UTRN: variants seen among roughly 807,000 people sequenced by gnomAD.
The protein encoded by UTRN is utrophin, also known as dystrophin-related protein 1.
In UTRN, 283 loss-of-function variants were observed where a neutral mutation model predicts 463.9. The ratio of observed to expected loss-of-function variants is 0.61; its 90% CI spans 0.55 to 0.67. The LOEUF is 0.67. UTRN is among the 30% of genes least tolerant of loss of function. UTRN has a pLI of 0.00. For missense variants in UTRN, 3,922 were observed against 4,084.3 expected, an observed-to-expected ratio of 0.96 and a Z score of 1.08; for synonymous variants, 1,442 against 1,431.5, an observed-to-expected ratio of 1.01 and a Z score of -0.17.
intron 52 of UTRN, among the ~76,000 whole-genome samples, chr6:144,684,049 C>CT (rs751258844): frequency 0.046 from 6,307 of 137,250 alleles, 406 homozygotes; most frequent in African/African-American, 0.13. Flanking sequence ...TGTCCCTTTA[C>CT]TTTTTTTTTT....
chr6:144,640,660 T>C (rs1222383314), intron 51 of UTRN, among the ~76,000 whole-genome samples: 1 of 152,204 alleles, frequency 6.6e-6, no homozygotes, highest in Non-Finnish European at 1.5e-5. Flanking sequence ...AAAATTGCTA[T>C]ATAAATGCTT....
At position 144,418,001 on chromosome 6, in the gene UTRN, T is replaced by C. The variant is rs141725513; in HGVS notation, c.142-3877T>C. 2.2e-3 allele frequency among the ~76,000 whole-genome samples: 339 copies of C among 152,184 alleles called. 1 individual carries two copies. Among genetic ancestry groups the C allele is most frequent in the African/African-American group, 6.8e-3 (283 of 41,500 alleles). ...ATATTGTTGATATTTTATTACACTT[T>C]TCTGCCAATAGAAAACACTAAAGTT... On this transcript the variant is annotated intron_variant, in intron 3 of 74. Coordinates refer to ENST00000367545, the MANE Select transcript of UTRN (RefSeq NM_007124.3).
intron 2 of UTRN, among the ~76,000 whole-genome samples, chr6:144,325,573 T>C (rs1454972647): frequency 1.3e-5 from 2 of 152,184 alleles, no homozygotes; most frequent in Non-Finnish European, 2.9e-5. Flanking sequence ...CAGCCTCCCA[T>C]CGCTGATCAG....
At chr6:144,439,360 C>T (rs4256449) in intron 12 of UTRN, among the ~76,000 whole-genome samples, 1 of 152,252 alleles carries the variant, frequency 6.6e-6, no homozygotes, top group South Asian at 2.1e-4. Flanking sequence ...AAAATATGCT[C>T]TCTGTAAATT....
At chr6:144,789,030 G>A (rs1776533821) in intron 61 of UTRN, among the ~76,000 whole-genome samples, 164 bp from the exon 62 acceptor site, 1 of 152,152 alleles carries the variant, frequency 6.6e-6, no homozygotes, top group African/African-American at 2.4e-5. Context: ...TGAAATTACA[G>A]TATTGGTTTA....
intron 54 of UTRN, among the ~76,000 whole-genome samples, chr6:144,731,217 C>A (rs1788479752): frequency 6.6e-6 from 1 of 151,958 alleles, no homozygotes; most frequent in South Asian, 2.1e-4. Flanking sequence ...TAACCTGTAA[C>A]ATTTATATAC....
At chr6:144,335,113 T>C (rs1776621180) in intron 2 of UTRN, among the ~76,000 whole-genome samples, 1 of 152,218 alleles carries the variant, frequency 6.6e-6, no homozygotes. Flanking sequence ...AACTTTGCCA[T>C]GTTTAATTTA....
intron 53 of UTRN, among the ~76,000 whole-genome samples, chr6:144,716,948 T>A (rs1010536858): frequency 6.6e-6 from 1 of 152,212 alleles, no homozygotes; most frequent in Admixed American, 6.5e-5. Context: ...TCATAAATAA[T>A]GTTATAATGA....
intron 2 of UTRN, among the ~76,000 whole-genome samples, chr6:144,387,722 CTTTATCCAG>C (rs1380004962): frequency 1.3e-5 from 2 of 152,160 alleles, no homozygotes; most frequent in Non-Finnish European, 2.9e-5. Flanking sequence ...AATATGTGGG[CTTTATCCAG>C]TTTAGGAGCT....
intron 17 of UTRN, among the ~76,000 whole-genome samples, 164 bp from the exon 18 acceptor site, chr6:144,451,206 A>C (rs1055695828): frequency 6.6e-6 from 1 of 152,178 alleles, no homozygotes; most frequent in African/African-American, 2.4e-5. Context: ...TTTAGTTGTA[A>C]ATATATGATC....
At chr6:144,610,407 A>G (rs1311678586) in intron 51 of UTRN, among the ~76,000 whole-genome samples, 1 of 152,186 alleles carries the variant, frequency 6.6e-6, no homozygotes, top group Non-Finnish European at 1.5e-5. Flanking sequence ...ATAATAAGTA[A>G]GAAGATTGAA....
chr6:144,669,556 C>G (rs1489343210), intron 51 of UTRN, among the ~76,000 whole-genome samples: 1 of 152,058 alleles, frequency 6.6e-6, no homozygotes, highest in Non-Finnish European at 1.5e-5. Context: ...CATAAGTCTT[C>G]TTAAGTTAGA....
At chr6:144,511,824 A>T (rs746215348) in intron 35 of UTRN, among the ~76,000 whole-genome samples, 7 of 152,126 alleles carry the variant, frequency 4.6e-5, no homozygotes, top group South Asian at 4.1e-4. Context: ...TGTTCCTATG[A>T]TACTAATTGT....
chr6:144,364,429 C>T (rs964282226), intron 2 of UTRN, among the ~76,000 whole-genome samples: 2 of 152,064 alleles, frequency 1.3e-5, no homozygotes, highest in African/African-American at 2.4e-5. Context: ...GGGATGACTC[C>T]TGGTGTAGAT....
intron 65 of UTRN, among the ~76,000 whole-genome samples, chr6:144,819,189 A>G (rs1264448741): frequency 6.6e-6 from 1 of 152,164 alleles, no homozygotes; most frequent in Non-Finnish European, 1.5e-5. Context: ...TTGTCAGTGT[A>G]AAAACTGATG....
In UTRN at chr6:144,836,384, T is replaced by C. The variant is rs1263834336; in HGVS notation, c.9908T>C (p.Ile3303Thr). 1.2e-6 allele frequency: 2 copies of C among 1,613,860 alleles called. No individual in the cohort carries two copies. Among genetic ancestry groups the C allele is most frequent in the African/African-American group, 1.3e-5 (1 of 74,908 alleles). ...LPVGSPPESI[I>T]SPHHTSEDSE... is the part of the protein sequence containing the mutation. ...GTCGGTTCACCGCCAGAGTCGATTA[T>C]ATCTCCCCATCACACGTCTGAGGAT... Residue 3303 changes from isoleucine to threonine, a missense_variant, in exon 71 of 75, where the codon ATA becomes ACA. Transcript: ENST00000367545.
At chr6:144,614,160 T>C (rs1221143466) in intron 51 of UTRN, among the ~76,000 whole-genome samples, 1 of 152,112 alleles carries the variant, frequency 6.6e-6, no homozygotes, top group Non-Finnish European at 1.5e-5. Flanking sequence ...AGAATAGGTA[T>C]AATGCTGGTA....
intron 54 of UTRN, among the ~76,000 whole-genome samples, chr6:144,736,739 G>A (rs1015818348): frequency 6.6e-5 from 10 of 152,192 alleles, no homozygotes; most frequent in Admixed American, 6.5e-4. Context: ...ACAGAAGGCT[G>A]CACAGCAATT....
chr6:144,504,253 T>C (rs1794496754), intron 34 of UTRN, among the ~76,000 whole-genome samples: 1 of 152,236 alleles, frequency 6.6e-6, no homozygotes, highest in Admixed American at 6.5e-5. Context: ...CTGATTGCCC[T>C]GGCCAGAACT....
Sources: allele counts gnomAD v4.1 joint callset (sites outside exome capture counted in the v4.1 genomes callset), GRCh38; gene constraint gnomAD v4.1.1; transcripts MANE v1.5; gene names NCBI Gene and HGNC (gene_info 2026-07-23, HGNC 2026-07-21).